Variants in DMD observed in about 807,000 individuals in gnomAD.
DMD encodes the protein dystrophin.
A neutral mutation model predicts 330.1 loss-of-function variants in DMD; 63 were observed. The observed-to-expected ratio is 0.19, with a 90% CI of 0.16 to 0.24. The LOEUF (loss-of-function observed/expected upper bound fraction) is 0.24, where lower values mean the gene tolerates loss of function less well. Among genes scored for constraint, DMD ranks in the 10% least tolerant of loss-of-function variants. The pLI is 1.00. For synonymous variants in DMD, 1,223 were observed against 959.8 expected (o/e 1.27, Z -5.07); for missense variants, 3,344 against 2,684.1 (o/e 1.25, Z -5.43).
intron 1 of DMD, among the ~76,000 whole-genome samples, chrX:33,082,360 G>A (rs34605504): frequency 1.8e-5 from 2 of 112,247 alleles, no homozygotes; most frequent in Admixed American, 9.5e-5. Flanking sequence ...GTGCTGCAAA[G>A]ACATAGTAAG....
At chrX:31,777,816 T>C (rs2090761808) in intron 50 of DMD, among the ~76,000 whole-genome samples, 1 of 112,125 alleles carries the variant, frequency 8.9e-6, no homozygotes. Flanking sequence ...GTAAGTACAC[T>C]ATGTGGATTT....
chrX:32,614,564 C>T, intron 11 of DMD, 111 bp from the exon 12 acceptor site: 1 of 650,314 alleles, frequency 1.5e-6, no homozygotes, highest in Non-Finnish European at 2.4e-6. Context: ...CATTTGGGGG[C>T]ATCTATTGGA....
chrX:31,848,627 A>T (rs1158445417), intron 48 of DMD, among the ~76,000 whole-genome samples: 3 of 110,996 alleles, frequency 2.7e-5, no homozygotes, highest in African/African-American at 9.8e-5. Context: ...GATTTTCTTC[A>T]TAGTATTGAT....
At chrX:31,139,893 T>C (rs2035829282) in intron 76 of DMD, among the ~76,000 whole-genome samples, 1 of 112,335 alleles carries the variant, frequency 8.9e-6, no homozygotes, top group Non-Finnish European at 1.9e-5. Flanking sequence ...TTTGGATTAT[T>C]AGCTATTTGG....
chrX:31,130,402 G>C (rs1013003188), intron 77 of DMD, among the ~76,000 whole-genome samples: 5 of 111,862 alleles, frequency 4.5e-5, no homozygotes, highest in Non-Finnish European at 9.4e-5. Context: ...CAAAGGAAGA[G>C]ATTAGAGATA....
At chrX:31,303,628 T>C (rs1569522169) in intron 62 of DMD, among the ~76,000 whole-genome samples, 1 of 111,705 alleles carries the variant, frequency 9.0e-6, no homozygotes. Flanking sequence ...CCAAATCCCA[T>C]CTTCTCTCAC....
chrX:33,035,591 A>T (rs187293327), intron 1 of DMD, among the ~76,000 whole-genome samples: 1 of 111,800 alleles, frequency 8.9e-6, no homozygotes, highest in African/African-American at 3.2e-5. Flanking sequence ...AGTAATTGGA[A>T]CTCAGAAAGA....
At chrX:32,051,450 T>G (rs2096114238) in intron 44 of DMD, among the ~76,000 whole-genome samples, 1 of 110,509 alleles carries the variant, frequency 9.0e-6, no homozygotes, top group African/African-American at 3.3e-5. Flanking sequence ...AGAATGTAAT[T>G]TTAAAGAAAT....
At chrX:32,969,287 T>C (rs774812732) in intron 2 of DMD, among the ~76,000 whole-genome samples, 1 of 70,471 alleles carries the variant, frequency 1.4e-5, no homozygotes, top group Non-Finnish European at 2.5e-5. Flanking sequence ...TTATCAATTT[T>C]TGAAGTGAAA....
chrX:33,032,005 A>G (rs2094123643), intron 1 of DMD, among the ~76,000 whole-genome samples: 1 of 111,926 alleles, frequency 8.9e-6, no homozygotes, highest in African/African-American at 3.2e-5. Flanking sequence ...TTGCATTAGA[A>G]CTTCTTGAAC....
chrX:33,217,920 T>C (rs2052088039), intron 1 of DMD, among the ~76,000 whole-genome samples: 1 of 111,419 alleles, frequency 9.0e-6, no homozygotes, highest in African/African-American at 3.3e-5. Flanking sequence ...TTGTACGCTT[T>C]TATCCACTTT....
At chrX:32,913,016 G>A (rs955272886) in intron 2 of DMD, among the ~76,000 whole-genome samples, 1 of 112,087 alleles carries the variant, frequency 8.9e-6, no homozygotes, top group African/African-American at 3.2e-5. Flanking sequence ...TTTTGTTTTT[G>A]TTTTTGTTTT....
At chrX:31,804,583 T>C (rs762831214) in intron 50 of DMD, among the ~76,000 whole-genome samples, 1 of 112,022 alleles carries the variant, frequency 8.9e-6, no homozygotes, top group African/African-American at 3.3e-5. Context: ...ATGTGTTTGA[T>C]TTCTCTAACA....
At chrX:32,735,066 G>A (rs970225065) in intron 7 of DMD, among the ~76,000 whole-genome samples, 1 of 110,844 alleles carries the variant, frequency 9.0e-6, no homozygotes, top group Non-Finnish European at 1.9e-5. Flanking sequence ...CTTCAGCAAA[G>A]TCTCAGGATA....
chrX:32,787,454 G>A, intron 7 of DMD, among the ~76,000 whole-genome samples: 1 of 110,606 alleles, frequency 9.0e-6, no homozygotes, highest in Middle Eastern at 4.6e-3. Context: ...AGACCAGCAA[G>A]ATTTCAAATG....
At chrX:33,011,902 T>C (rs2093708890) in intron 2 of DMD, among the ~76,000 whole-genome samples, 1 of 111,735 alleles carries the variant, frequency 8.9e-6, no homozygotes, top group Non-Finnish European at 1.9e-5. Flanking sequence ...TGCTAATTGG[T>C]AAATATTTAC....
At chrX:32,630,736 T>A (rs1488478338) in intron 11 of DMD, among the ~76,000 whole-genome samples, 1 of 111,981 alleles carries the variant, frequency 8.9e-6, no homozygotes, top group African/African-American at 3.2e-5. Flanking sequence ...CTCTGTACTA[T>A]CTTGGATTTT....
intron 52 of DMD, among the ~76,000 whole-genome samples, chrX:31,710,446 A>G (rs2084545270): frequency 9.0e-6 from 1 of 110,923 alleles, no homozygotes. Context: ...TTCTATTAAT[A>G]TTTTTAAGGT....
At chrX:31,293,697 T>C (rs2053948282) in intron 62 of DMD, among the ~76,000 whole-genome samples, 1 of 112,087 alleles carries the variant, frequency 8.9e-6, no homozygotes, top group South Asian at 3.8e-4. Context: ...TTAAAATGTT[T>C]TTAAGACAAG....
Sources: allele counts gnomAD v4.1 joint callset (sites outside exome capture counted in the v4.1 genomes callset), GRCh38; gene constraint gnomAD v4.1.1; transcripts MANE v1.5; gene names NCBI Gene and HGNC (gene_info 2026-07-23, HGNC 2026-07-21).